The following MORN1 variants were observed in gnomAD, a reference collection of about 807,000 sequenced individuals.
The protein encoded by MORN1 is MORN repeat containing 1.
In MORN1, 67 loss-of-function variants were observed where a neutral mutation model predicts 61.9. That is an observed-to-expected ratio of 1.08 (90% CI 0.89 to 1.33). The LOEUF is 1.33. MORN1 is among the 40% of genes most tolerant of loss of function. MORN1 has a pLI of 0.00. For synonymous variants in MORN1, 301 were observed against 292.0 expected (o/e 1.03, Z -0.31); for missense variants, 752 against 691.2 (o/e 1.09, Z -0.99).
chr1:2,347,561 T>C (rs766679950), intron 10 of MORN1, among the ~76,000 whole-genome samples: 2 of 152,028 alleles, frequency 1.3e-5, no homozygotes, highest in Non-Finnish European at 2.9e-5. Flanking sequence ...AGGCCATTGC[T>C]GGACAGGCCC....
intron 10 of MORN1, among the ~76,000 whole-genome samples, chr1:2,342,872 T>TTTATTTTA: frequency 1.2e-5 from 1 of 85,728 alleles, no homozygotes; most frequent in East Asian, 3.3e-4. Flanking sequence ...ATTTTATTTA[T>TTTATTTTA]TTTATTTTAT....
chr1:2,340,550 C>T (rs993933425), intron 10 of MORN1, among the ~76,000 whole-genome samples: 6 of 152,332 alleles, frequency 3.9e-5, no homozygotes, highest in Middle Eastern at 3.4e-3. Context: ...ATCTGTGGCT[C>T]GGAGGACTGC....
At position 2,391,466 on chromosome 1, in the gene MORN1, G is replaced by T. The variant is rs1484231470; in HGVS notation, c.68C>A (p.Pro23His). The change falls in exon 1 of 14, where the codon CCC becomes CAC. Residue 23 changes from proline to histidine, a missense_variant. By Grantham distance (77) the Pro-to-His change is moderately conservative (BLOSUM62 -2). Coordinates refer to ENST00000378531, the MANE Select transcript of MORN1 (RefSeq NM_024848.3). The part of the protein sequence containing the change: ...GPRRDPPRRP[P>H]RNGYGVYVYP... ...TGGCCCGCAGTCGTTACCGTTCCGG[G>T]GCGGCCGCCTAGGCGGGTCCCGACG... 1.4e-5 allele frequency: 17 copies of T among 1,255,520 alleles called. No homozygotes were observed. Among genetic ancestry groups the T allele is most frequent in the Non-Finnish European group, 1.6e-5 (16 of 992,560 alleles). 77.8% of individuals were successfully genotyped at this position (1,255,520 alleles called of 1,614,324 possible).
Position 2,385,901 on chromosome 1 carries a change from G to T in MORN1, c.359-4C>A. ...CGGTCCACCAGAAACCCGTGTCCTG[G>T]AGAAGGGACCGAGAGACAGACTTGG... On this transcript the variant is annotated splice_polypyrimidine_tract_variant and splice_region_variant and intron_variant, in intron 4 of 13. Coordinates refer to ENST00000378531, the MANE Select transcript of MORN1 (RefSeq NM_024848.3). 1 of 1,613,664 alleles carries T rather than the reference G, an allele frequency of 6.2e-7. No individual in the cohort carries two copies. The highest frequency in any genetic ancestry group is 8.5e-7 in the Non-Finnish European group (1 of 1,179,790).
intron 8 of MORN1, among the ~76,000 whole-genome samples, chr1:2,368,811 C>A (rs1329136660): frequency 6.6e-6 from 1 of 152,190 alleles, no homozygotes; most frequent in African/African-American, 2.4e-5. Flanking sequence ...GTAATCCCAG[C>A]ACTTTGGGAG....
intron 2 of MORN1, among the ~76,000 whole-genome samples, chr1:2,389,675 T>C (rs888063467): frequency 6.6e-6 from 1 of 152,234 alleles, no homozygotes; most frequent in African/African-American, 2.4e-5. Context: ...AAAAGACAAA[T>C]GAACTCAACC....
intron 8 of MORN1, among the ~76,000 whole-genome samples, chr1:2,364,270 G>C (rs1641955164): frequency 2.0e-5 from 3 of 152,234 alleles, no homozygotes; most frequent in Admixed American, 2.0e-4. Flanking sequence ...AAATGTGTAT[G>C]CCCCCAATAA....
chr1:2,330,195 C>G (rs564384261), intron 12 of MORN1, among the ~76,000 whole-genome samples: 1 of 152,336 alleles, frequency 6.6e-6, no homozygotes, highest in African/African-American at 2.4e-5. Context: ...CTGGCCACAG[C>G]GTGCTGGCCA....
At chr1:2,388,190 C>T (rs771871089) in intron 3 of MORN1, 49 bp downstream of exon 3, 50 of 1,471,404 alleles carry the variant, frequency 3.4e-5, no homozygotes, top group Middle Eastern at 1.7e-4. Context: ...CAACTGAGCC[C>T]GATGGGTTAT....
At position 2,345,256 on chromosome 1, in the gene MORN1, C is replaced by T. The variant is rs539745247; in HGVS notation, c.1037-8406G>A. On this transcript the variant is annotated intron_variant, in intron 10 of 13. Coordinates refer to ENST00000378531, the MANE Select transcript of MORN1 (RefSeq NM_024848.3). ...CCACACTCAGGGTCTGTCTGTGCCC[C>T]GGCACCTCCAAGCCATTCCTTCCAC... 1.3e-3 allele frequency among the ~76,000 whole-genome samples: 204 copies of T among 152,368 alleles called. 1 individual carries two copies. Among genetic ancestry groups the T allele is most frequent in the African/African-American group, 4.6e-3 (193 of 41,594 alleles).
At chr1:2,330,300 C>T (rs1641121255) in intron 12 of MORN1, among the ~76,000 whole-genome samples, 4 of 152,234 alleles carry the variant, frequency 2.6e-5, no homozygotes, top group Non-Finnish European at 5.9e-5. Flanking sequence ...TGGCCAGGCT[C>T]TCGCCCCATG....
chr1:2,383,278 C>T (rs1642412761), intron 6 of MORN1, among the ~76,000 whole-genome samples: 1 of 152,192 alleles, frequency 6.6e-6, no homozygotes, highest in South Asian at 2.1e-4. Flanking sequence ...ATGGCCAGGG[C>T]CAGTGGCCTG....
At chr1:2,336,019 C>T (rs369069151) in intron 12 of MORN1, among the ~76,000 whole-genome samples, 25 of 152,300 alleles carry the variant, frequency 1.6e-4, no homozygotes, top group South Asian at 1.0e-3. Flanking sequence ...CGGCCACAAA[C>T]CCCCCACGGT....
At chr1:2,344,680 A>C (rs1268696345) in intron 10 of MORN1, among the ~76,000 whole-genome samples, 2 of 152,158 alleles carry the variant, frequency 1.3e-5, no homozygotes, top group Non-Finnish European at 2.9e-5. Flanking sequence ...CCTGCGCTGC[A>C]CAGATGGGGC....
intron 6 of MORN1, 90 bp downstream of exon 6, chr1:2,384,888 C>T: frequency 8.7e-7 from 1 of 1,154,686 alleles, no homozygotes; most frequent in Non-Finnish European, 1.2e-6. Flanking sequence ...GGAGAAGCTG[C>T]CAGGGTGAGG....
chr1:2,332,592 AG>A (rs1296966172), intron 12 of MORN1: 1 of 456,504 alleles, frequency 2.2e-6, no homozygotes, highest in Non-Finnish European at 4.4e-6. Context: ...CCTCCGGCAC[AG>A]GCCCAGGTTG....
At chr1:2,336,606 G>A in intron 11 of MORN1, 58 bp from the exon 12 acceptor site, 3 of 1,601,694 alleles carry the variant, frequency 1.9e-6, no homozygotes, top group Non-Finnish European at 1.7e-6. Flanking sequence ...GGGCCTAGGA[G>A]CTCTGCTCCA....
At chr1:2,342,669 G>A (rs1264724787) in intron 10 of MORN1, among the ~76,000 whole-genome samples, 3 of 151,764 alleles carry the variant, frequency 2.0e-5, no homozygotes, top group Non-Finnish European at 4.4e-5. Flanking sequence ...CTCCCACACC[G>A]CAGACATGGC....
chr1:2,339,899 G>T (rs1641357496), intron 10 of MORN1, among the ~76,000 whole-genome samples: 1 of 152,248 alleles, frequency 6.6e-6, no homozygotes, highest in African/African-American at 2.4e-5. Flanking sequence ...CTGCGGGGCT[G>T]CTCCCCGTGG....
Sources: allele counts gnomAD v4.1 joint callset (sites outside exome capture counted in the v4.1 genomes callset), GRCh38; gene constraint gnomAD v4.1.1; transcripts MANE v1.5; gene names NCBI Gene and HGNC (gene_info 2026-07-23, HGNC 2026-07-21).